The following FOXP1 variants were observed in gnomAD, a reference collection of about 807,000 sequenced individuals.
FOXP1 encodes forkhead box protein P1.
Under a neutral mutation model 98.2 loss-of-function variants are expected in FOXP1, and 15 were observed. The observed-to-expected ratio is 0.15, with a 90% CI of 0.10 to 0.24. The LOEUF is 0.24. Among genes scored for constraint, FOXP1 ranks in the 10% least tolerant of loss-of-function variants. The probability of loss-of-function intolerance (pLI) is 1.00; values close to 1 mark genes in which losing one functional copy is unlikely to be tolerated. For missense variants in FOXP1, 633 were observed against 848.5 expected (o/e 0.75, Z 3.15); for synonymous variants, 371 against 314.5 (o/e 1.18, Z -1.90).
At chr3:71,103,172 T>C (rs2057119175) in intron 7 of FOXP1, among the ~76,000 whole-genome samples, 1 of 152,158 alleles carries the variant, frequency 6.6e-6, no homozygotes. Context: ...TGAAGTTCAA[T>C]GAGTAAAGTT....
At chr3:71,480,239 A>G (rs1249028133) in intron 3 of FOXP1, among the ~76,000 whole-genome samples, 1 of 152,186 alleles carries the variant, frequency 6.6e-6, no homozygotes, top group African/African-American at 2.4e-5. Context: ...AAACAGGAAC[A>G]GACTCGTGAT....
chr3:71,281,204 T>TTG (rs2071523512), intron 5 of FOXP1, among the ~76,000 whole-genome samples: 1 of 150,978 alleles, frequency 6.6e-6, no homozygotes, highest in South Asian at 2.1e-4. Context: ...TACTCCAGCC[T>TTG]GGACAACAGT....
At chr3:71,078,647 C>T (rs193174261) in intron 7 of FOXP1, among the ~76,000 whole-genome samples, 105 of 151,862 alleles carry the variant, frequency 6.9e-4, no homozygotes, top group African/African-American at 2.3e-3. Flanking sequence ...TGGAAGGGCA[C>T]GAAAAGCAGT....
chr3:71,229,598 G>T (rs542650447), intron 5 of FOXP1, among the ~76,000 whole-genome samples: 2 of 152,164 alleles, frequency 1.3e-5, no homozygotes, highest in Non-Finnish European at 2.9e-5. Context: ...GGAAAAAAAG[G>T]GTTCTCAAAA....
chr3:71,073,101 T>C (rs761453675), intron 7 of FOXP1, among the ~76,000 whole-genome samples: 1 of 152,232 alleles, frequency 6.6e-6, no homozygotes, highest in Non-Finnish European at 1.5e-5. Flanking sequence ...AAATAAGGCA[T>C]TGTGTGTTTG....
chr3:71,193,835 T>A (rs1242081807), intron 6 of FOXP1, among the ~76,000 whole-genome samples: 3 of 152,222 alleles, frequency 2.0e-5, no homozygotes, highest in African/African-American at 7.2e-5. Context: ...GGGAAATGAC[T>A]AATCTTTGAC....
At chr3:71,273,923 T>C (rs566785177) in intron 5 of FOXP1, among the ~76,000 whole-genome samples, 2 of 152,332 alleles carry the variant, frequency 1.3e-5, no homozygotes, top group African/African-American at 4.8e-5. Flanking sequence ...ATAATTCAAA[T>C]TGTCTGCTCA....
Position 71,474,049 on chromosome 3 carries a change from G to A in FOXP1, c.-168+19377C>T, listed in dbSNP as rs143078795. Among the ~76,000 whole-genome samples the A allele has an allele frequency of 4.7e-4, 72 of 152,200 alleles. 2 individuals carry two copies. Among genetic ancestry groups the A allele is most frequent in the Admixed American group, 3.8e-3 (58 of 15,286 alleles). On this transcript the variant is annotated intron_variant, in intron 3 of 20. Coordinates refer to ENST00000649528, the MANE Select transcript of FOXP1 (RefSeq NM_001349338.3). ...AATATGGCAATATGAAAATAGTTACGTTAGGAAAAGAAAGTAGGATAAAAA... is the reference window on the plus strand; with the variant it reads ...AATATGGCAATATGAAAATAGTTACATTAGGAAAAGAAAGTAGGATAAAAA...
At chr3:71,358,922 G>T (rs2107895920) in intron 4 of FOXP1, among the ~76,000 whole-genome samples, 1 of 152,242 alleles carries the variant, frequency 6.6e-6, no homozygotes, top group South Asian at 2.1e-4. Flanking sequence ...CCCTGCATTA[G>T]GTCACCTTCC....
At chr3:70,966,236 A>G (rs1247876133) in intron 19 of FOXP1, 180 bp from the exon 20 acceptor site, 2 of 656,898 alleles carry the variant, frequency 3.0e-6, no homozygotes, top group African/African-American at 3.6e-5. Context: ...ACCTGTCCCA[A>G]GCTTGGTTTT....
intron 3 of FOXP1, among the ~76,000 whole-genome samples, chr3:71,359,517 T>C (rs991257791): frequency 1.3e-5 from 2 of 152,206 alleles, no homozygotes; most frequent in African/African-American, 4.8e-5. Flanking sequence ...CTTAGGAAGT[T>C]AAGTTCCTTT....
At chr3:71,514,549 A>G in intron 2 of FOXP1, among the ~76,000 whole-genome samples, 1 of 152,232 alleles carries the variant, frequency 6.6e-6, no homozygotes, top group Non-Finnish European at 1.5e-5. Context: ...GTCATGTACA[A>G]AACAGGCACT....
At chr3:70,986,350 A>T (rs2039731351) in intron 14 of FOXP1, among the ~76,000 whole-genome samples, 1 of 152,144 alleles carries the variant, frequency 6.6e-6, no homozygotes. Context: ...TCCTCTTCCC[A>T]AGAAGCCCCA....
Position 71,404,860 on chromosome 3 carries a change from G to T in FOXP1, c.-167-45616C>A, listed in dbSNP as rs1350796626. ...ACTGAACCTGAGATTAGACTAAACG[G>T]CAGACAGAGGCAAGCAGCCTATAAC... On this transcript the variant is annotated intron_variant, in intron 3 of 20. Transcript: ENST00000649528. Among the ~76,000 whole-genome samples the T allele has an allele frequency of 2.0e-5, 3 of 152,100 alleles. No individual in the cohort carries two copies. The East Asian group carries it at 5.8e-4, about 29-fold the overall frequency.
intron 4 of FOXP1, among the ~76,000 whole-genome samples, chr3:71,305,150 T>C (rs1162385285): frequency 6.6e-6 from 1 of 152,214 alleles, no homozygotes; most frequent in Non-Finnish European, 1.5e-5. Context: ...AAGACTGGAT[T>C]AGCCCCTGAA....
chr3:71,296,092 A>C (rs1301929301), intron 5 of FOXP1: 2 of 152,190 alleles, frequency 1.3e-5, no homozygotes, highest in African/African-American at 4.8e-5. Context: ...AGACCATAGA[A>C]TCCAAATTTT....
intron 2 of FOXP1, among the ~76,000 whole-genome samples, chr3:71,554,281 G>A (rs1055353749): frequency 6.6e-6 from 1 of 152,128 alleles, no homozygotes; most frequent in South Asian, 2.1e-4. Flanking sequence ...TTGAGACCAC[G>A]AGTCAAGGCT....
At chr3:71,382,444 A>C (rs2080256006) in intron 3 of FOXP1, among the ~76,000 whole-genome samples, 1 of 152,226 alleles carries the variant, frequency 6.6e-6, no homozygotes, top group African/African-American at 2.4e-5. Context: ...GGCGGAAAAC[A>C]CATGGCCTAA....
intron 4 of FOXP1, among the ~76,000 whole-genome samples, chr3:71,340,856 AT>A (rs1478880451): frequency 1.3e-5 from 2 of 151,972 alleles, no homozygotes; most frequent in Admixed American, 1.3e-4. Context: ...GAGTGTTTTA[AT>A]TCTTAAACAC....
Sources: gnomAD v4.1 joint callset for allele counts (sites outside exome capture counted in the v4.1 genomes callset) on GRCh38, gnomAD v4.1.1 for gene constraint, MANE v1.5 for transcripts, NCBI Gene and HGNC (gene_info 2026-07-23, HGNC 2026-07-21) for gene names.